Variants in C10orf90 observed in about 807,000 individuals in gnomAD.
C10orf90 encodes the protein chromosome 10 open reading frame 90.
In C10orf90, 56 loss-of-function variants were observed where a neutral mutation model predicts 62.5. The ratio of observed to expected loss-of-function variants is 0.90; its 90% CI spans 0.72 to 1.12. C10orf90 has a LOEUF of 1.12. Among genes scored for constraint, C10orf90 ranks in the 50% most tolerant of loss-of-function variants. The probability of loss-of-function intolerance (pLI) is 0.00; values close to 1 mark genes in which losing one functional copy is unlikely to be tolerated. For synonymous variants in C10orf90, 386 were observed against 340.4 expected, an observed-to-expected ratio of 1.13 and a Z score of -1.47; for missense variants, 970 against 880.4, an observed-to-expected ratio of 1.10 and a Z score of -1.29.
chr10:126,555,087 CACA>C (rs1248414402), intron 2 of C10orf90, among the ~76,000 whole-genome samples: 6 of 152,178 alleles, frequency 3.9e-5, no homozygotes, highest in African/African-American at 1.4e-4. Flanking sequence ...GTGGCGTCTG[CACA>C]TTATCAGTAG....
intron 2 of C10orf90, among the ~76,000 whole-genome samples, chr10:126,601,800 T>C (rs1845203316): frequency 6.6e-6 from 1 of 152,250 alleles, no homozygotes. Flanking sequence ...GAGGCCTGGA[T>C]GCCGGTGGAG....
At chr10:126,592,065 A>G (rs1844990688) in intron 2 of C10orf90, among the ~76,000 whole-genome samples, 1 of 152,234 alleles carries the variant, frequency 6.6e-6, no homozygotes, top group South Asian at 2.1e-4. Context: ...AACAAATGGA[A>G]AAACATTCCA....
intron 2 of C10orf90, among the ~76,000 whole-genome samples, chr10:126,571,889 A>G (rs1844514052): frequency 6.6e-6 from 1 of 152,058 alleles, no homozygotes; most frequent in Non-Finnish European, 1.5e-5. Context: ...GGCCTTATAC[A>G]CTTCCTGGCA....
chr10:126,631,278 T>C lies in C10orf90; in HGVS notation c.313+15287A>G, dbSNP rs113220771. On this transcript the variant is annotated intron_variant, in intron 2 of 9. Transcript: ENST00000488181. ...CTAGCTCTCCAACTCGTTTTCCTAC[T>C]ACTCACGCCATTTCTTGGTAGGATC... Among the ~76,000 whole-genome samples, 715 of 152,256 alleles carry C rather than the reference T, an allele frequency of 4.7e-3. 5 individuals are homozygous for C. Among genetic ancestry groups the C allele is most frequent in the African/African-American group, 0.015 (623 of 41,554 alleles).
chr10:126,455,739 A>C (rs757044483), intron 7 of C10orf90, among the ~76,000 whole-genome samples: 4 of 152,190 alleles, frequency 2.6e-5, no homozygotes, highest in Non-Finnish European at 4.4e-5. Context: ...TGGTCCCTCT[A>C]GAGTTCCCAG....
chr10:126,489,854 G>A (rs957826576), intron 4 of C10orf90, among the ~76,000 whole-genome samples: 4 of 149,216 alleles, frequency 2.7e-5, no homozygotes, highest in Non-Finnish European at 5.9e-5. Context: ...CAGATGAACG[G>A]GTAAACAAAA....
chr10:126,504,002 C>T lies in C10orf90; in HGVS notation c.1489G>A (p.Ala497Thr). Residue 497 changes from alanine (A) to threonine (T), a missense_variant, in exon 4 of 10, where the codon GCC becomes ACC. Transcript: ENST00000488181. This position sits in a 1 kb window ranked among gnomAD's most constrained non-coding sequence, Gnocchi z 4.1. ...GGAATGTGAATGGACAGTTGGTTGG[C>T]ATGATCGCTGGCGTGACAATGAGTT... The part of the protein sequence containing the change: ...HTTHCHASDH[A>T]NQLSIHIPGW... 1.2e-6 allele frequency: 2 copies of T among 1,613,350 alleles called. No individual in the cohort carries two copies. The highest frequency in any genetic ancestry group is 1.7e-6 in the Non-Finnish European group (2 of 1,179,926).
chr10:126,507,353 T>C (rs1862804460), intron 3 of C10orf90, among the ~76,000 whole-genome samples: 1 of 86,692 alleles, frequency 1.2e-5, no homozygotes, highest in South Asian at 4.9e-4. Context: ...CGAGACTCCA[T>C]CTCAAAAAAA....
intron 4 of C10orf90, among the ~76,000 whole-genome samples, chr10:126,498,092 G>T (rs1418153650): frequency 2.6e-5 from 4 of 152,220 alleles, no homozygotes; most frequent in Non-Finnish European, 4.4e-5. Flanking sequence ...CAATTCATTA[G>T]GAAGAACTGG....
At chr10:126,573,991 C>A (rs565434999) in intron 2 of C10orf90, among the ~76,000 whole-genome samples, 16 of 152,098 alleles carry the variant, frequency 1.1e-4, no homozygotes, top group South Asian at 2.1e-4. Context: ...TAGTTCACTT[C>A]GTCTAACAAA....
chr10:126,512,288 AGTGTGT>A (rs377341185), intron 3 of C10orf90, among the ~76,000 whole-genome samples: 10 of 144,906 alleles, frequency 6.9e-5, no homozygotes, highest in African/African-American at 2.3e-4. Context: ...GAGAGACAGA[AGTGTGT>A]GTGTGTGTGT....
chr10:126,513,798 T>C (rs368663563), intron 3 of C10orf90, 50 bp downstream of exon 3: 31 of 1,177,032 alleles, frequency 2.6e-5, no homozygotes, highest in Non-Finnish European at 3.9e-5. Flanking sequence ...TTATATTTTA[T>C]AGATGGGTGC....
chr10:126,506,133 A>C (rs1591034007), intron 3 of C10orf90, among the ~76,000 whole-genome samples: 1 of 152,376 alleles, frequency 6.6e-6, no homozygotes, highest in East Asian at 1.9e-4. Flanking sequence ...GTTTTTGTCC[A>C]GTATTTTTAA....
rs150731644 is a variant in C10orf90 at position 126,543,734 on chromosome 10, G to T, written c.314-29795C>A. Among the ~76,000 whole-genome samples, 1,168 of 152,272 alleles carry T rather than the reference G, an allele frequency of 7.7e-3. 25 individuals carry two copies. Among genetic ancestry groups the T allele is most frequent in the Non-Finnish European group, 7.4e-3 (501 of 68,022 alleles). The stretch of plus-strand genomic sequence containing the variant: ...ATATGCTTAAGAGTTTCCTGTGTTT[G>T]TTCTCTGGAAAATAAACTGTTGGAA... On this transcript the variant is annotated intron_variant, in intron 2 of 9. Transcript: ENST00000488181.
At chr10:126,577,520 A>G (rs1844651834) in intron 2 of C10orf90, among the ~76,000 whole-genome samples, 1 of 152,056 alleles carries the variant, frequency 6.6e-6, no homozygotes, top group African/African-American at 2.4e-5. Context: ...ATTGAAGTAG[A>G]CAAAACACAA....
intron 4 of C10orf90, among the ~76,000 whole-genome samples, chr10:126,503,090 ACT>A (rs1257580600): frequency 6.6e-6 from 1 of 152,154 alleles, no homozygotes; most frequent in African/African-American, 2.4e-5. Context: ...ATCTTTAAAT[ACT>A]TTTTTCCAAA....
intron 1 of C10orf90, among the ~76,000 whole-genome samples, chr10:126,652,402 T>C (rs1043791703): frequency 4.6e-5 from 7 of 152,248 alleles, no homozygotes; most frequent in African/African-American, 7.2e-5. Context: ...TGCAGTTCAA[T>C]CTATCTGTCT....
chr10:126,565,387 T>TATATATATTATATTATATATA (rs1844352884), intron 2 of C10orf90, among the ~76,000 whole-genome samples: 3 of 74,564 alleles, frequency 4.0e-5, no homozygotes, highest in African/African-American at 5.6e-5. Context: ...TAATATATAT[T>TATATATATTATATTATATATA]ATATATATTA....
intron 2 of C10orf90, among the ~76,000 whole-genome samples, chr10:126,578,954 C>G (rs1245531004): frequency 6.6e-6 from 1 of 152,150 alleles, no homozygotes; most frequent in Non-Finnish European, 1.5e-5. Flanking sequence ...TGTTCTGTTT[C>G]TTGGTCTGGC....
Sources: allele counts gnomAD v4.1 joint callset (sites outside exome capture counted in the v4.1 genomes callset), GRCh38; gene constraint gnomAD v4.1.1; non-coding constraint Gnocchi (gnomAD v3.1); transcripts MANE v1.5; gene names NCBI Gene and HGNC (gene_info 2026-07-23, HGNC 2026-07-21).